MUC4: variants seen among roughly 807,000 people sequenced by gnomAD.
MUC4 encodes mucin-4.
A neutral mutation model predicts 257.9 loss-of-function variants in MUC4; 202 were observed. The ratio of observed to expected loss-of-function variants is 0.78; its 90% CI spans 0.70 to 0.88. The LOEUF (loss-of-function observed/expected upper bound fraction) is 0.88. Ranked by LOEUF, MUC4 falls within the 40% of genes least tolerant of loss-of-function variation. The probability of loss-of-function intolerance (pLI) is 0.00; values close to 1 mark genes in which losing one functional copy is unlikely to be tolerated. For missense variants in MUC4, 5,976 were observed against 6,513.7 expected, an observed-to-expected ratio of 0.92 and a Z score of 2.84; for synonymous variants, 2,351 against 2,757.1, an observed-to-expected ratio of 0.85 and a Z score of 4.62.
chr3:195,753,598 G>A (rs747634032), intron 19 of MUC4: 17 of 329,710 alleles, frequency 5.2e-5, no homozygotes, highest in Non-Finnish European at 7.7e-5. Context: ...CTCTGGCCTC[G>A]GCTCTGAAGG....
intron 1 of MUC4, among the ~76,000 whole-genome samples, chr3:195,796,336 G>A (rs1275987806): frequency 6.6e-6 from 1 of 152,172 alleles, no homozygotes; most frequent in Non-Finnish European, 1.5e-5. Context: ...ACCCACCTCG[G>A]CATCCCAAAG....
At chr3:195,760,604 GA>G (rs1718658223) in intron 16 of MUC4, among the ~76,000 whole-genome samples, 1 of 115,432 alleles carries the variant, frequency 8.7e-6, no homozygotes, top group African/African-American at 3.0e-5. Context: ...AGTATGGAGT[GA>G]AGGGGGCTGG....
intron 23 of MUC4, chr3:195,750,017 A>G (rs1242658813): frequency 1.3e-5 from 2 of 152,252 alleles, no homozygotes; most frequent in Admixed American, 6.5e-5. Flanking sequence ...AGTAGTTCTG[A>G]GGGATTTCAC....
chr3:195,765,794 G>A (rs889602930), intron 8 of MUC4, among the ~76,000 whole-genome samples: 2 of 152,188 alleles, frequency 1.3e-5, no homozygotes, highest in Non-Finnish European at 1.5e-5. Context: ...TGGAGAAGGC[G>A]CCATTGTTTG....
chr3:195,803,661 C>T (rs536125784), intron 1 of MUC4, among the ~76,000 whole-genome samples: 36 of 152,108 alleles, frequency 2.4e-4, no homozygotes, highest in African/African-American at 7.7e-4. Flanking sequence ...GCGGGGAAAT[C>T]GAGATTCAGC....
chr3:195,769,065 C>T lies in MUC4; in HGVS notation c.13486G>A (p.Val4496Met), dbSNP rs142282636. The T allele has an allele frequency of 8.7e-6, 14 of 1,613,984 alleles. No individual in the cohort carries two copies. The highest frequency in any genetic ancestry group is 8.0e-5 in the African/African-American group (6 of 74,940). Residue 4496 changes from valine to methionine, a missense_variant, in exon 7 of 25, where the codon GTG becomes ATG. By Grantham distance (21) the Val-to-Met change is conservative. Transcript: ENST00000463781. ...LYQSGGMQWD[V>M]AQRSGNPVLM... Reference sequence around the variant, plus strand: ...ACCGGGTTGCCTGAGCGCTGGGCCACGTCCCACTGCATCCCACCGCTCTGG... The same window carrying T: ...ACCGGGTTGCCTGAGCGCTGGGCCATGTCCCACTGCATCCCACCGCTCTGG...
chr3:195,772,723 TGTAGACATCCTCTCTCCATC>T (rs1723264210), intron 4 of MUC4, among the ~76,000 whole-genome samples: 5 of 146,864 alleles, frequency 3.4e-5, no homozygotes, highest in African/African-American at 7.6e-5. Context: ...CGCTCAGGGG[TGTAGACATCCTCTCTCCATC>T]GCTCAGGGGT....
In MUC4 at chr3:195,803,520, C is replaced by G. The variant is rs141264716; in HGVS notation, c.82+8216G>C. ...GGTCAGCTGACTTGTGATGAACACA[C>G]CAGGGAGGTGGGGCTTCTTTTTACT... is the stretch of plus-strand genomic sequence containing the variant. On this transcript the variant is annotated intron_variant, in intron 1 of 24. Transcript: ENST00000463781. Among the ~76,000 whole-genome samples the G allele has an allele frequency of 3.8e-3, 583 of 152,366 alleles. 3 individuals are homozygous for G. Among genetic ancestry groups the G allele is most frequent in the African/African-American group, 0.013 (553 of 41,590 alleles).
At chr3:195,759,364 C>G (rs1485542544) in intron 16 of MUC4, 103 bp from the exon 17 acceptor site, 2 of 1,417,746 alleles carry the variant, frequency 1.4e-6, no homozygotes, top group Admixed American at 3.7e-5. Context: ...ATTCCCAGGA[C>G]TGTGACCCAC....
chr3:195,767,913 T>TCACCACCACCATCACCACCATCACCAC (rs1560266565), intron 7 of MUC4, among the ~76,000 whole-genome samples: 3 of 110,284 alleles, frequency 2.7e-5, no homozygotes, highest in African/African-American at 3.9e-5. Context: ...ACCATCACCA[T>TCACCACCACCATCACCACCATCACCAC]CGCCACTGCC....
chr3:195,788,213 C>T lies in MUC4; in HGVS notation c.3367G>A (p.Val1123Ile), dbSNP rs1405998536. 1 of 1,471,978 alleles carries T rather than the reference C, an allele frequency of 6.8e-7. No individual in the cohort carries two copies. The highest frequency in any genetic ancestry group is 9.1e-7 in the Non-Finnish European group (1 of 1,103,318). The allele number at this position is 1,471,978 out of a possible 1,614,324, so 91.2% of individuals were successfully genotyped here. A position where few individuals can be genotyped will look rare whatever the true frequency, so the allele number is the denominator to read the frequency against. ...GTGGATGCTGAGGAAGTGTCGGTGACAGGAAGAGGGGTGGTGTGACCTGTG... is the reference window on the plus strand; with the variant it reads ...GTGGATGCTGAGGAAGTGTCGGTGATAGGAAGAGGGGTGGTGTGACCTGTG... ...VSTGHTTPLP[V>I]TDTSSASTGH... Residue 1123 changes from valine to isoleucine, a missense_variant, in exon 2 of 25, where the codon GTC becomes ATC. Val to Ile is a conservative substitution (Grantham distance 29). Around this residue, in one of 44 missense-constraint regions of MUC4, gnomAD observed 11 missense variants for 41.1 expected, o/e 0.27. Coordinates refer to ENST00000463781, the MANE Select transcript of MUC4 (RefSeq NM_018406.7).
At position 195,763,513 on chromosome 3, in the gene MUC4, C is replaced by T. The variant is rs761077582; in HGVS notation, c.14173G>A (p.Ala4725Thr). The part of the protein sequence containing the change: ...NSSFLLQGRT[A>T]QTGSAQATNF... ...GTGGCCTGGGCTGAGCCAGTCTGGGCGGTGCGGCCCTGAAGCAGGAAGGAG... is the reference window on the plus strand; with the variant it reads ...GTGGCCTGGGCTGAGCCAGTCTGGGTGGTGCGGCCCTGAAGCAGGAAGGAG... The change falls in exon 12 of 25, where the codon GCC (alanine) becomes ACC (threonine). Residue 4725 changes from alanine to threonine, a missense_variant. Ala to Thr is a moderately conservative substitution (Grantham distance 58). Around this residue, in one of 44 missense-constraint regions of MUC4, gnomAD observed 996 missense variants for 1,137.3 expected, o/e 0.88. Transcript: ENST00000463781. The T allele has an allele frequency of 1.0e-5, 16 of 1,559,916 alleles. No individual in the cohort carries two copies. The highest frequency in any genetic ancestry group is 1.3e-5 in the Non-Finnish European group (15 of 1,150,894).
At chr3:195,797,211 G>A (rs1734683875) in intron 1 of MUC4, among the ~76,000 whole-genome samples, 1 of 152,102 alleles carries the variant, frequency 6.6e-6, no homozygotes, top group South Asian at 2.1e-4. Context: ...AGAGATTGCA[G>A]TGAGCCGAGA....
rs1732925936 is a variant in MUC4, at chr3:195,787,925, C to T, written c.3655G>A (p.Val1219Ile). The change falls in exon 2 of 25, where the codon GTC becomes ATC. Residue 1219 changes from valine to isoleucine, a missense_variant. Physicochemically the swap from Val to Ile is conservative, Grantham distance 29 (BLOSUM62 3). Coordinates refer to ENST00000463781, the MANE Select transcript of MUC4 (RefSeq NM_018406.7). ...ASTGHATPLPVTDASSVSTDH... is the reference protein window; with the variant it reads ...ASTGHATPLPITDASSVSTDH... The stretch of plus-strand genomic sequence containing the variant: ...GTGGACACTGAGGAAGCGTCGGTGA[C>T]AGGAAGAGGGGTGGCGTGTCCTGTG... 1 of 986,896 alleles carries T rather than the reference C, an allele frequency of 1.0e-6. No individual in the cohort carries two copies. Among genetic ancestry groups the T allele is most frequent in the Non-Finnish European group, 1.4e-6 (1 of 716,750 alleles). The allele number at this position is 986,896 out of a possible 1,614,324, so 61.1% of individuals were successfully genotyped here. A position where few individuals can be genotyped will look rare whatever the true frequency, so the allele number is the denominator to read the frequency against.
At position 195,799,260 on chromosome 3, in the gene MUC4, T is replaced by TGA. The variant is rs144440668; in HGVS notation, c.83-7765_83-7764dup. On this transcript the variant is annotated intron_variant, in intron 1 of 24. Coordinates refer to ENST00000463781, the MANE Select transcript of MUC4 (RefSeq NM_018406.7). Reference sequence around the variant, plus strand: ...GTGTGTGTGTGTGTGTGTGTGTGTGTGACACTGTGTGTGTGTGTCCCTGCC... The same window carrying TGA: ...GTGTGTGTGTGTGTGTGTGTGTGTGTGAGACACTGTGTGTGTGTGTCCCTGCC... Among the ~76,000 whole-genome samples, 255 of 149,228 alleles carry TGA rather than the reference T, an allele frequency of 1.7e-3. 2 individuals are homozygous for TGA. Among genetic ancestry groups the TGA allele is most frequent in the African/African-American group, 5.9e-3 (239 of 40,190 alleles).
intron 7 of MUC4, among the ~76,000 whole-genome samples, chr3:195,767,499 C>CACT (rs1217467781): frequency 3.5e-5 from 5 of 143,484 alleles, no homozygotes; most frequent in Non-Finnish European, 6.1e-5. Flanking sequence ...CCATCACCAT[C>CACT]ACCACCACCA....
At chr3:195,761,991 A>G (rs1719055855) in intron 14 of MUC4, 96 bp downstream of exon 14, 11 of 1,354,224 alleles carry the variant, frequency 8.1e-6, no homozygotes, top group Non-Finnish European at 1.1e-5. Flanking sequence ...AGGCGGAGAA[A>G]GGGAGGCCGA....
intron 1 of MUC4, among the ~76,000 whole-genome samples, chr3:195,796,197 T>C (rs1032144319): frequency 6.6e-6 from 1 of 152,008 alleles, no homozygotes; most frequent in Non-Finnish European, 1.5e-5. Flanking sequence ...ATTCTCCTGC[T>C]TCAGCCTCCC....
In MUC4 at chr3:195,783,828, T is replaced by G. The variant is rs556508625; in HGVS notation, c.7752A>C (p.Ser2584=). The G allele has an allele frequency of 6.8e-7, 1 of 1,479,824 alleles. No individual in the cohort carries two copies. Among genetic ancestry groups the G allele is most frequent in the Non-Finnish European group, 9.1e-7 (1 of 1,097,904 alleles). The allele number at this position is 1,479,824 out of a possible 1,614,324, so 91.7% of individuals were successfully genotyped here. A position where few individuals can be genotyped will look rare whatever the true frequency, so the allele number is the denominator to read the frequency against. Residue 2584 remains serine, a synonymous_variant, in exon 2 of 25, where the codon TCA becomes TCC. Transcript: ENST00000463781. ...ATPLPVTSTS[S]ASTGDTTPLP... is the part of the protein sequence containing the mutation. ...GAGGGGTGGTGTCACCTGTGGATGC[T>G]GAGGAAGTGCTGGTGACAGGAAGAG...
Sources: gnomAD v4.1 joint callset for allele counts (sites outside exome capture counted in the v4.1 genomes callset) on GRCh38, gnomAD v4.1.1 for gene constraint, gnomAD v4.1.1 regional missense constraint, MANE v1.5 for transcripts, NCBI Gene and HGNC (gene_info 2026-07-23, HGNC 2026-07-21) for gene names.